Variants in GLB1 observed in about 807,000 individuals in gnomAD.
GLB1 encodes beta-galactosidase.
Under a neutral mutation model 74.0 loss-of-function variants are expected in GLB1, and 56 were observed. That is an observed-to-expected ratio of 0.76 (90% CI 0.61 to 0.94). The LOEUF (loss-of-function observed/expected upper bound fraction) is 0.94. GLB1 is among the 40% of genes least tolerant of loss of function. The pLI is 0.00. For missense variants in GLB1, 787 were observed against 845.5 expected (o/e 0.93, Z 0.86); for synonymous variants, 323 against 323.6 (o/e 1.00, Z 0.02).
downstream of GLB1, among the ~76,000 whole-genome samples, chr3:32,995,204 ACCACAC>A (rs1157110708): frequency 2.2e-4 from 33 of 152,256 alleles, no homozygotes; most frequent in African/African-American, 7.2e-4. Flanking sequence ...TGATGAGGCA[ACCACAC>A]TCCACTGCTC....
chr3:33,056,629 T>C (rs958940994), intron 6 of GLB1, among the ~76,000 whole-genome samples: 6 of 152,086 alleles, frequency 3.9e-5, no homozygotes, highest in African/African-American at 1.2e-4. Context: ...GTTGTAAGAA[T>C]AGTACAAAAA....
chr3:33,045,469 T>C (rs1049697597), intron 10 of GLB1: 1 of 986,938 alleles, frequency 1.0e-6, no homozygotes, highest in African/African-American at 1.7e-5. Context: ...AATCACATAG[T>C]CTGTATATTG....
chr3:33,023,019 T>C (rs1208380774), intron 11 of GLB1, among the ~76,000 whole-genome samples: 1 of 152,238 alleles, frequency 6.6e-6, no homozygotes, highest in Non-Finnish European at 1.5e-5. Flanking sequence ...TTATTTTCTA[T>C]ATAACTGTGT....
At chr3:33,061,300 G>C (rs978876225) in intron 5 of GLB1, among the ~76,000 whole-genome samples, 8 of 152,170 alleles carry the variant, frequency 5.3e-5, no homozygotes, top group African/African-American at 1.9e-4. Context: ...TGTAATCCCA[G>C]CTATTTGAGA....
chr3:33,060,425 T>G (rs1162006477), intron 5 of GLB1, among the ~76,000 whole-genome samples: 3 of 152,186 alleles, frequency 2.0e-5, no homozygotes, highest in Non-Finnish European at 4.4e-5. Flanking sequence ...GCAAAGTTCT[T>G]TTCTCCTCCT....
chr3:33,057,576 A>C (rs1313555345), intron 6 of GLB1, among the ~76,000 whole-genome samples: 1 of 152,214 alleles, frequency 6.6e-6, no homozygotes, highest in Non-Finnish European at 1.5e-5. Flanking sequence ...AACCACCTCC[A>C]GCCCTGACAG....
Position 33,093,807 on chromosome 3 carries a change from A to G in GLB1, c.75+3204T>C. 6.2e-7 allele frequency: 1 copy of G among 1,613,628 alleles called. No individual in the cohort carries two copies. The highest frequency in any genetic ancestry group is 8.5e-7 in the Non-Finnish European group (1 of 1,179,756). Reference sequence around the variant, plus strand: ...CATGCCGCTGAGGATGAAGAGGAAGAAGAGCATGATGATGTAAGCACCCAG... The same window carrying G: ...CATGCCGCTGAGGATGAAGAGGAAGGAGAGCATGATGATGTAAGCACCCAG... On this transcript the variant is annotated intron_variant, in intron 1 of 15. Transcript: ENST00000307363. The surrounding 1 kb of genome is among the most constrained non-coding windows in gnomAD (Gnocchi z 6.0).
At chr3:32,965,816 A>C in the GLB1 span, among the ~76,000 whole-genome samples, 316 of 152,318 alleles carry the variant, frequency 2.1e-3, 1 homozygote, top group Middle Eastern at 0.014. Flanking sequence ...CCTGTGTCCC[A>C]GCCACTCCAG....
intron 10 of GLB1, among the ~76,000 whole-genome samples, chr3:33,027,470 G>A (rs914297493): frequency 6.6e-5 from 10 of 152,364 alleles, no homozygotes; most frequent in African/African-American, 2.4e-4. Flanking sequence ...CTCGGGCAAA[G>A]GCGCCACAGG....
intron 4 of GLB1, among the ~76,000 whole-genome samples, chr3:33,067,127 C>T (rs896664120): frequency 6.6e-6 from 1 of 151,812 alleles, no homozygotes; most frequent in East Asian, 1.9e-4. Context: ...CTCAGCCTCC[C>T]GAGTAGCTGG....
At chr3:32,975,985 C>A in the GLB1 span, among the ~76,000 whole-genome samples, 2 of 152,328 alleles carry the variant, frequency 1.3e-5, no homozygotes, top group East Asian at 3.9e-4. Flanking sequence ...TATTTTCAGA[C>A]CTCATTTCCC....
chr3:32,999,591 A>G (rs1696465226), intron 15 of GLB1, among the ~76,000 whole-genome samples: 1 of 152,138 alleles, frequency 6.6e-6, no homozygotes, highest in South Asian at 2.1e-4. Flanking sequence ...TTTTCCCTGG[A>G]TCCCCTTCCC....
At chr3:33,055,708 C>T (rs1428733654) in intron 6 of GLB1, among the ~76,000 whole-genome samples, 1 of 150,916 alleles carries the variant, frequency 6.6e-6, no homozygotes, top group Non-Finnish European at 1.5e-5. Context: ...AACTCATGAT[C>T]CGCCTGCCTT....
chr3:33,053,670 C>T (rs955261661), intron 6 of GLB1, 121 bp from the exon 7 acceptor site: 3 of 1,328,198 alleles, frequency 2.3e-6, no homozygotes, highest in Admixed American at 2.0e-5. Context: ...TAGTATCCCC[C>T]CAAAATTCTC....
In GLB1 at chr3:32,996,812, C is replaced by A; in HGVS notation, c.*233G>T. The A allele has an allele frequency of 1.6e-6, 1 of 630,526 alleles. No homozygotes were observed. The highest frequency in any genetic ancestry group is 2.7e-6 in the Non-Finnish European group (1 of 376,912). 39.1% of individuals were successfully genotyped at this position (630,526 alleles called of 1,614,324 possible). A position where few individuals can be genotyped will look rare whatever the true frequency, so the allele number is the denominator to read the frequency against. On this transcript the variant is annotated 3_prime_UTR_variant, in exon 16 of 16. Transcript: ENST00000307363. ...CACTACCACCTTTAAAGCTTCCATTCCAGCCCTGCAGATATGTATGCACGT... is the reference window on the plus strand; with the variant it reads ...CACTACCACCTTTAAAGCTTCCATTACAGCCCTGCAGATATGTATGCACGT...
At chr3:33,029,134 A>G (rs1461040323) in intron 10 of GLB1, among the ~76,000 whole-genome samples, 1 of 152,188 alleles carries the variant, frequency 6.6e-6, no homozygotes, top group African/African-American at 2.4e-5. Flanking sequence ...ATATAGCAAA[A>G]TCCTCATCTT....
chr3:33,060,992 G>A (rs1309635724), intron 5 of GLB1, among the ~76,000 whole-genome samples: 1 of 152,036 alleles, frequency 6.6e-6, no homozygotes, highest in Non-Finnish European at 1.5e-5. Context: ...GAAAAAAAAA[G>A]GTGGGTGAAG....
intron 10 of GLB1, chr3:33,034,751 A>T (rs895988584): frequency 3.0e-6 from 2 of 674,130 alleles, no homozygotes; most frequent in African/African-American, 3.5e-5. Context: ...CAGTGATGTC[A>T]ACAAGGGCCA....
chr3:33,056,164 T>C (rs1699207658), intron 6 of GLB1, among the ~76,000 whole-genome samples: 1 of 132,168 alleles, frequency 7.6e-6, no homozygotes, highest in Non-Finnish European at 1.5e-5. Flanking sequence ...GAGGCAGAGG[T>C]TGCAGTAAGC....
Sources: allele counts gnomAD v4.1 joint callset (sites outside exome capture counted in the v4.1 genomes callset), GRCh38; gene constraint gnomAD v4.1.1; non-coding constraint Gnocchi (gnomAD v3.1); transcripts MANE v1.5; gene names NCBI Gene and HGNC (gene_info 2026-07-23, HGNC 2026-07-21).